Variants in MCU observed in about 807,000 individuals in gnomAD.
The protein encoded by MCU is calcium uniporter protein, mitochondrial.
Under a neutral mutation model 45.2 loss-of-function variants are expected in MCU, and 12 were observed. The observed-to-expected ratio is 0.27, with a 90% CI of 0.17 to 0.43. The LOEUF is 0.43. Among genes scored for constraint, MCU ranks in the 20% least tolerant of loss-of-function variants. The pLI, the probability that MCU is intolerant of heterozygous loss-of-function variation, is 1.00. For synonymous variants in MCU, 160 were observed against 165.1 expected, an observed-to-expected ratio of 0.97 and a Z score of 0.24; for missense variants, 324 against 436.7, an observed-to-expected ratio of 0.74 and a Z score of 2.30.
At chr10:72,738,404 C>G (rs898203695) in intron 1 of MCU, among the ~76,000 whole-genome samples, 11 of 152,280 alleles carry the variant, frequency 7.2e-5, no homozygotes, top group Admixed American at 7.2e-4. Flanking sequence ...AGAAAAGACT[C>G]TTTTCCTCTG....
chr10:72,801,068 GA>G (rs1844332200), intron 1 of MCU, among the ~76,000 whole-genome samples: 1 of 152,146 alleles, frequency 6.6e-6, no homozygotes, highest in African/African-American at 2.4e-5. Flanking sequence ...ACCCCAGCCT[GA>G]ACGATAGAGT....
chr10:72,857,885 C>A (rs780370104), intron 2 of MCU, among the ~76,000 whole-genome samples: 3 of 152,114 alleles, frequency 2.0e-5, no homozygotes, highest in Non-Finnish European at 2.9e-5. Flanking sequence ...ATAAATTTTC[C>A]CTTCATAACA....
At chr10:72,716,867 T>C (rs550180758) in intron 1 of MCU, among the ~76,000 whole-genome samples, 2 of 152,246 alleles carry the variant, frequency 1.3e-5, no homozygotes, top group African/African-American at 4.8e-5. Flanking sequence ...AGCAAGACCC[T>C]GTTTCTTAAA....
intron 2 of MCU, among the ~76,000 whole-genome samples, chr10:72,845,567 A>G (rs1160543812): frequency 6.6e-6 from 1 of 152,204 alleles, no homozygotes; most frequent in Non-Finnish European, 1.5e-5. Flanking sequence ...ACTGTGTTAC[A>G]GTTGCTGACA....
intron 1 of MCU, among the ~76,000 whole-genome samples, chr10:72,755,584 G>A (rs757504069): frequency 3.3e-5 from 5 of 152,138 alleles, no homozygotes; most frequent in East Asian, 1.9e-4. Context: ...AGTGCCTTGC[G>A]CATAAATATA....
At chr10:72,742,535 A>G (rs532365324) in intron 1 of MCU, among the ~76,000 whole-genome samples, 130 of 152,306 alleles carry the variant, frequency 8.5e-4, no homozygotes, top group Non-Finnish European at 1.6e-3. Flanking sequence ...GATTCTTATA[A>G]CCATCGTTTT....
intron 1 of MCU, among the ~76,000 whole-genome samples, chr10:72,804,021 T>A (rs1264541035): frequency 5.5e-3 from 28 of 5,084 alleles, no homozygotes; most frequent in Non-Finnish European, 7.2e-3. Flanking sequence ...TAAGTAAATA[T>A]ATATATATAT....
intron 1 of MCU, chr10:72,692,963 C>T (rs1389930159): frequency 6.5e-7 from 1 of 1,535,242 alleles, no homozygotes; most frequent in East Asian, 2.4e-5. Context: ...CTCTTGGGTC[C>T]TTAAAGGTGC....
chr10:72,829,403 T>C (rs1370521603), intron 1 of MCU, among the ~76,000 whole-genome samples: 1 of 152,008 alleles, frequency 6.6e-6, no homozygotes, highest in Non-Finnish European at 1.5e-5. Flanking sequence ...TAATTAACTT[T>C]AATCTTTGTA....
intron 6 of MCU, among the ~76,000 whole-genome samples, chr10:72,882,526 C>A (rs539180633): frequency 6.6e-6 from 1 of 152,008 alleles, no homozygotes; most frequent in Non-Finnish European, 1.5e-5. Flanking sequence ...CTTCTATGGT[C>A]GAAACTGTAG....
intron 1 of MCU, among the ~76,000 whole-genome samples, chr10:72,736,809 C>G (rs1263801512): frequency 2.0e-5 from 3 of 152,056 alleles, no homozygotes; most frequent in Admixed American, 6.5e-5. Flanking sequence ...TTTTTTAGGC[C>G]AGGCATTTAG....
chr10:72,705,949 C>T (rs1300225325), intron 1 of MCU, among the ~76,000 whole-genome samples: 3 of 152,062 alleles, frequency 2.0e-5, no homozygotes, highest in Non-Finnish European at 4.4e-5. Context: ...AACCACAACA[C>T]TCCAGCCTGG....
chr10:72,712,027 TA>T (rs1270112441), intron 1 of MCU, among the ~76,000 whole-genome samples: 42 of 145,004 alleles, frequency 2.9e-4, no homozygotes, highest in African/African-American at 4.5e-4. Flanking sequence ...CTGTGTTTCT[TA>T]AAAAAAAAAA....
chr10:72,738,623 C>T (rs1843282939), intron 1 of MCU, among the ~76,000 whole-genome samples: 1 of 152,176 alleles, frequency 6.6e-6, no homozygotes, highest in Non-Finnish European at 1.5e-5. Flanking sequence ...GTAAAACTTA[C>T]AGTTTCTTAT....
intron 2 of MCU, among the ~76,000 whole-genome samples, chr10:72,838,851 C>T (rs531834617): frequency 2.6e-5 from 4 of 152,232 alleles, no homozygotes; most frequent in African/African-American, 9.6e-5. Context: ...AAGGTCTGTG[C>T]ATGGTTTTGG....
chr10:72,741,945 G>A (rs751189313), intron 1 of MCU, among the ~76,000 whole-genome samples: 6 of 149,610 alleles, frequency 4.0e-5, no homozygotes, highest in Admixed American at 1.3e-4. Flanking sequence ...GGAGAATGGC[G>A]TGAACCCGGG....
At chr10:72,817,594 C>T (rs1243217891) in intron 1 of MCU, among the ~76,000 whole-genome samples, 1 of 152,082 alleles carries the variant, frequency 6.6e-6, no homozygotes, top group African/African-American at 2.4e-5. Context: ...AAAGGGCTTA[C>T]AGTTCAGTTC....
intron 1 of MCU, among the ~76,000 whole-genome samples, chr10:72,808,598 A>G (rs2132796118): frequency 6.6e-6 from 1 of 152,348 alleles, no homozygotes; most frequent in South Asian, 2.1e-4. Flanking sequence ...AGCTTCACGC[A>G]TTAATCCGTT....
chr10:72,718,973 G>A (rs1032737348), intron 1 of MCU, among the ~76,000 whole-genome samples: 1 of 152,114 alleles, frequency 6.6e-6, no homozygotes, highest in South Asian at 2.1e-4. Context: ...TTTGTTGGGG[G>A]TTTGGGGAAA....
Sources: allele counts gnomAD v4.1 joint callset (sites outside exome capture counted in the v4.1 genomes callset), GRCh38; gene constraint gnomAD v4.1.1; transcripts MANE v1.5; gene names NCBI Gene and HGNC (gene_info 2026-07-23, HGNC 2026-07-21).